The following DNAH12 variants were observed in gnomAD, a reference collection of about 807,000 sequenced individuals.
The protein encoded by DNAH12 is axonemal beta dynein heavy chain 12.
A neutral mutation model predicts 371.5 loss-of-function variants in DNAH12; 285 were observed. The observed-to-expected ratio is 0.77, with a 90% CI of 0.70 to 0.85. The LOEUF (loss-of-function observed/expected upper bound fraction) is 0.85, where lower values mean the gene tolerates loss of function less well. DNAH12 is among the 40% of genes least tolerant of loss of function. The pLI, the probability that DNAH12 is intolerant of heterozygous loss-of-function variation, is 0.00. For synonymous variants in DNAH12, 1,200 were observed against 1,213.0 expected, an observed-to-expected ratio of 0.99 and a Z score of 0.22; for missense variants, 3,611 against 3,689.4, an observed-to-expected ratio of 0.98 and a Z score of 0.55.
intron 13 of DNAH12, among the ~76,000 whole-genome samples, chr3:57,478,036 T>C (rs1319381523): frequency 6.6e-6 from 1 of 152,126 alleles, no homozygotes; most frequent in Non-Finnish European, 1.5e-5. Flanking sequence ...TCCAAAGGAA[T>C]GCAGCTCCTC....
At chr3:57,353,083 C>A (rs2062720808) in intron 59 of DNAH12, among the ~76,000 whole-genome samples, 1 of 151,844 alleles carries the variant, frequency 6.6e-6, no homozygotes, top group Non-Finnish European at 1.5e-5. Context: ...GAGACTCCGT[C>A]TCAAAAAGAA....
chr3:57,437,189 T>G (rs180899192), intron 29 of DNAH12, 129 bp from the exon 30 acceptor site: 7 of 665,154 alleles, frequency 1.1e-5, no homozygotes, highest in Non-Finnish European at 1.8e-5. Context: ...TTCTTAAAAC[T>G]TTATTATTTT....
intron 8 of DNAH12, among the ~76,000 whole-genome samples, chr3:57,506,805 A>G (rs913034611): frequency 6.6e-6 from 1 of 152,108 alleles, no homozygotes; most frequent in Non-Finnish European, 1.5e-5. Context: ...AGGTAAAGCC[A>G]CTGGAACTTA....
At position 57,489,620 on chromosome 3, in the gene DNAH12, A is replaced by G; in HGVS notation, c.1403T>C (p.Met468Thr). Residue 468 changes from methionine (M) to threonine (T), a missense_variant, in exon 12 of 74, where the codon ATG (methionine) becomes ACG (threonine). By Grantham distance (81) the Met-to-Thr change is moderately conservative. This residue lies in a region of DNAH12 where 1,314 missense variants were observed against 1,398.7 expected (regional missense o/e 0.94). Transcript: ENST00000495027. ...MLLPQWIHYT[M>T]VRLDCEDLKT... ...CAAATCTTCACAATCCAAACGCACC[A>G]TAGTGTAATGAATCCACTGAGGCAA... 6.5e-7 allele frequency: 1 copy of G among 1,543,276 alleles called. No individual in the cohort carries two copies. The highest frequency in any genetic ancestry group is 2.5e-5 in the East Asian group (1 of 40,406).
intron 70 of DNAH12, among the ~76,000 whole-genome samples, chr3:57,297,652 G>A (rs1041052302): frequency 3.3e-5 from 5 of 151,862 alleles, no homozygotes; most frequent in African/African-American, 4.8e-5. Flanking sequence ...CACCGCGCCC[G>A]GCCCCCAGTT....
intron 41 of DNAH12, 128 bp from the exon 42 acceptor site, chr3:57,405,275 C>A (rs781843453): frequency 5.3e-5 from 40 of 754,436 alleles, no homozygotes; most frequent in Non-Finnish European, 7.5e-5. Flanking sequence ...GTAAAAAATG[C>A]ACTTATAAAA....
At chr3:57,545,612 T>C (rs1407950736), upstream of DNAH12, among the ~76,000 whole-genome samples, 2 of 152,100 alleles carry the variant, frequency 1.3e-5, no homozygotes, top group African/African-American at 4.8e-5. Flanking sequence ...AGCTAGATTT[T>C]GCATTAGGTA....
intron 29 of DNAH12, among the ~76,000 whole-genome samples, chr3:57,440,758 TGAGTGGATG>T: frequency 6.6e-6 from 1 of 152,006 alleles, no homozygotes; most frequent in African/African-American, 2.4e-5. Context: ...GAGGCCAAGG[TGAGTGGATG>T]GGTTGAGCCC....
chr3:57,446,307 A>G, intron 26 of DNAH12, 37 bp from the exon 27 acceptor site: 1 of 1,533,526 alleles, frequency 6.5e-7, no homozygotes, highest in Non-Finnish European at 8.8e-7. Flanking sequence ...TTTTTTTCTC[A>G]GGAAAGGATA....
At chr3:57,325,240 G>T (rs1010383719) in intron 62 of DNAH12, among the ~76,000 whole-genome samples, 2 of 152,236 alleles carry the variant, frequency 1.3e-5, no homozygotes, top group Non-Finnish European at 2.9e-5. Flanking sequence ...GCACGCAGCT[G>T]GAGATCTGAG....
chr3:57,411,001 A>G (rs1413815668), intron 39 of DNAH12, among the ~76,000 whole-genome samples: 2 of 152,186 alleles, frequency 1.3e-5, no homozygotes, highest in South Asian at 2.1e-4. Flanking sequence ...TCTTTTCAAC[A>G]TCATACTAAG....
chr3:57,315,236 A>C (rs570743383), intron 65 of DNAH12, among the ~76,000 whole-genome samples: 1 of 152,110 alleles, frequency 6.6e-6, no homozygotes, highest in South Asian at 2.1e-4. Context: ...GATACACAGC[A>C]TGTATTTTAA....
Position 57,471,510 on chromosome 3 carries a change from C to G in DNAH12, c.1873G>C (p.Glu625Gln). The G allele has an allele frequency of 6.5e-7, 1 of 1,548,718 alleles. No individual in the cohort carries two copies. Among genetic ancestry groups the G allele is most frequent in the Non-Finnish European group, 8.7e-7 (1 of 1,146,486 alleles). Residue 625 changes from glutamate to glutamine, a missense_variant, in exon 15 of 74, where the codon GAG (glutamate) becomes CAG (glutamine). By Grantham distance (29) the Glu-to-Gln change is conservative (BLOSUM62 2). This residue lies in a region of DNAH12 where 1,314 missense variants were observed against 1,398.7 expected (regional missense o/e 0.94). Transcript: ENST00000495027. ...TCCAGCTCTGCAAATTCTGTAAACT[C>G]CTCCATGCGGCGTGATTCTTTTTCT... is the stretch of plus-strand genomic sequence containing the variant. ...EIEKESRRME[E>Q]FTEFAELERM... is the part of the protein sequence containing the mutation.
intron 4 of DNAH12, among the ~76,000 whole-genome samples, chr3:57,520,541 G>C (rs929944168): frequency 1.5e-4 from 23 of 150,636 alleles, no homozygotes; most frequent in Middle Eastern, 3.4e-3. Flanking sequence ...CTCCCGGGTT[G>C]ACGCCATTCT....
chr3:57,419,287 G>A (rs1006518212), intron 37 of DNAH12, 80 bp downstream of exon 37: 46 of 1,341,452 alleles, frequency 3.4e-5, no homozygotes, highest in Admixed American at 3.6e-5. Flanking sequence ...GGATGATCTC[G>A]AATACTTCAA....
intron 52 of DNAH12, among the ~76,000 whole-genome samples, chr3:57,377,785 A>C (rs1372224905): frequency 1.3e-5 from 2 of 152,162 alleles, no homozygotes; most frequent in Non-Finnish European, 2.9e-5. Flanking sequence ...CTGAGAGAAA[A>C]GGGATTTCCT....
At chr3:57,523,727 G>A in intron 3 of DNAH12, 76 bp downstream of exon 3, 1 of 1,379,988 alleles carries the variant, frequency 7.2e-7, no homozygotes, top group East Asian at 2.5e-5. Flanking sequence ...AAAAACATCA[G>A]TTATATTGAG....
intron 38 of DNAH12, among the ~76,000 whole-genome samples, chr3:57,415,107 C>T (rs1275785911): frequency 6.6e-6 from 1 of 151,992 alleles, no homozygotes; most frequent in African/African-American, 2.4e-5. Flanking sequence ...GTCTCCCCAC[C>T]CCTGCCCCAC....
Position 57,293,922 on chromosome 3 carries a change from G to A in DNAH12, c.11742C>T (p.Tyr3914=). Residue 3914 remains tyrosine (Y), a synonymous_variant, in exon 74 of 74, where the codon TAC becomes TAT. Transcript: ENST00000495027. ...GAGTTCCTTTACGTTCACTTGTCTT[G>A]TAGAGGGGACAGACATAGGCATCCG... The part of the protein sequence containing the change: ...IKSDAYVCPL[Y]KTSERKGTLS... 1.3e-6 allele frequency: 2 copies of A among 1,527,770 alleles called. No individual in the cohort carries two copies. Among genetic ancestry groups the A allele is most frequent in the Non-Finnish European group, 1.8e-6 (2 of 1,135,240 alleles). The allele number at this position is 1,527,770 out of a possible 1,614,324, so 94.6% of individuals were successfully genotyped here.
Sources: allele counts gnomAD v4.1 joint callset (sites outside exome capture counted in the v4.1 genomes callset), GRCh38; gene constraint gnomAD v4.1.1; regional missense constraint gnomAD v4.1.1; transcripts MANE v1.5; gene names NCBI Gene and HGNC (gene_info 2026-07-23, HGNC 2026-07-21).